The following LYZL1 variants were observed in gnomAD, a reference collection of about 807,000 sequenced individuals.
The protein encoded by LYZL1 is lysozyme like 1, also known as lysozyme-like protein 1.
Under a neutral mutation model 17.9 loss-of-function variants are expected in LYZL1, and 16 were observed. The ratio of observed to expected loss-of-function variants is 0.90; its 90% CI spans 0.61 to 1.36. The LOEUF is 1.36. LYZL1 is among the 40% of genes most tolerant of loss of function. The pLI, the probability that LYZL1 is intolerant of heterozygous loss-of-function variation, is 0.00. For synonymous variants in LYZL1, 58 were observed against 71.8 expected (o/e 0.81, Z 0.97); for missense variants, 149 against 188.4 (o/e 0.79, Z 1.22).
intron 1 of LYZL1, among the ~76,000 whole-genome samples, chr10:29,291,140 C>T (rs1048359499): frequency 6.6e-6 from 1 of 152,124 alleles, no homozygotes; most frequent in Non-Finnish European, 1.5e-5. Flanking sequence ...CTTAACGACT[C>T]CATAGCCTAC....
rs58001118 is a variant in LYZL1 at position 29,306,549 on chromosome 10, CAAAAAAAAAAAAAA to C, written c.299-3548_299-3535del. 8.2e-5 allele frequency among the ~76,000 whole-genome samples: 4 copies of C among 48,794 alleles called. No individual in the cohort carries two copies. The Admixed American group carries it at 1.1e-3, about 13-fold the overall frequency. The allele number at this position is 48,794 out of a possible 152,430, so 32.0% of individuals were successfully genotyped here. A position where few individuals can be genotyped will look rare whatever the true frequency, so the allele number is the denominator to read the frequency against. ...TGGGCGACAGAGCGAGACTCCGTCT[CAAAAAAAAAAAAAA>C]AAAAAAAAAAAAGAAAAAATAAGGA... On this transcript the variant is annotated intron_variant, in intron 3 of 4. Transcript: ENST00000649382.
downstream of LYZL1, among the ~76,000 whole-genome samples, chr10:29,313,531 C>T (rs1835696600): frequency 6.6e-6 from 1 of 152,202 alleles, no homozygotes. Flanking sequence ...AAGACATTGG[C>T]TGTCCTAACA....
intron 3 of LYZL1, among the ~76,000 whole-genome samples, chr10:29,298,677 G>A (rs921568973): frequency 1.3e-5 from 2 of 152,184 alleles, no homozygotes; most frequent in African/African-American, 4.8e-5. Context: ...CTCGATGAGG[G>A]AGAAAGGCAA....
chr10:29,310,196 T>A lies in LYZL1; in HGVS notation c.377+8T>A. The stretch of plus-strand genomic sequence containing the variant: ...ACAAGGAATGAACTATTGGTAAGAG[T>A]GTTTTCTTGGGAGACTTGTGCTGTC... On this transcript the variant is annotated splice_region_variant and intron_variant, in intron 4 of 4. Transcript: ENST00000649382. 1 of 1,594,900 alleles carries A rather than the reference T, an allele frequency of 6.3e-7. No individual in the cohort carries two copies. The highest frequency in any genetic ancestry group is 1.3e-5 in the African/African-American group (1 of 74,566).
intron 3 of LYZL1, among the ~76,000 whole-genome samples, chr10:29,306,471 A>T (rs1294589530): frequency 1.5e-5 from 2 of 134,046 alleles, no homozygotes; most frequent in Non-Finnish European, 3.2e-5. Context: ...AATGGCGTGA[A>T]CCCGGGAGGC....
At chr10:29,308,041 A>C (rs1835619419) in intron 3 of LYZL1, among the ~76,000 whole-genome samples, 1 of 152,194 alleles carries the variant, frequency 6.6e-6, no homozygotes, top group Non-Finnish European at 1.5e-5. Context: ...AAAACAAAAC[A>C]AAACCTTTGA....
chr10:29,307,146 G>C (rs1463296135), intron 3 of LYZL1, among the ~76,000 whole-genome samples: 1 of 152,100 alleles, frequency 6.6e-6, no homozygotes, highest in East Asian at 1.9e-4. Flanking sequence ...GAGCTACTGT[G>C]CCCGGCTACT....
chr10:29,292,574 G>A lies in LYZL1; in HGVS notation c.195G>A (p.Leu65=), dbSNP rs781714375. Residue 65 remains leucine (L), a synonymous_variant, in exon 3 of 5, where the codon CTG becomes CTA. Transcript: ENST00000649382. ...SGYNTTAQTV[L]DDGSIDYGIF... ...ACAACACCACAGCCCAGACGGTCCT[G>A]GATGACGGCAGCATCGACTATGGCA... 5.0e-6 allele frequency: 8 copies of A among 1,614,250 alleles called. No homozygotes were observed. The highest frequency in any genetic ancestry group is 6.8e-6 in the Non-Finnish European group (8 of 1,180,046).
rs1588654288 is a variant in LYZL1 at position 29,289,236 on chromosome 10, A to G, written c.-26+6A>G. On this transcript the variant is annotated splice_donor_region_variant and intron_variant, in intron 1 of 4. Coordinates refer to ENST00000649382, the MANE Select transcript of LYZL1 (RefSeq NM_032517.6). ...ACCAGGAATCTGCCTTTTCAGTAAG[A>G]CCTAAATTACTCTTATGAGAACCAG... is the stretch of plus-strand genomic sequence containing the variant. The G allele has an allele frequency of 4.1e-6, 5 of 1,234,002 alleles. No individual in the cohort carries two copies. Among genetic ancestry groups the G allele is most frequent in the Non-Finnish European group, 4.1e-6 (4 of 966,078 alleles). 76.4% of individuals were successfully genotyped at this position (1,234,002 alleles called of 1,614,324 possible).
chr10:29,302,530 T>C (rs1835534576), intron 3 of LYZL1, among the ~76,000 whole-genome samples: 1 of 152,218 alleles, frequency 6.6e-6, no homozygotes, highest in African/African-American at 2.4e-5. Context: ...GCGCAGTAGC[T>C]GTACATGGAT....
At chr10:29,291,624 C>A (rs951627776) in intron 1 of LYZL1, among the ~76,000 whole-genome samples, 1 of 152,056 alleles carries the variant, frequency 6.6e-6, no homozygotes, top group East Asian at 1.9e-4. Context: ...CCTGAGAACA[C>A]AGCATTGACT....
downstream of LYZL1, among the ~76,000 whole-genome samples, chr10:29,315,882 T>C (rs1255660180): frequency 6.6e-6 from 1 of 151,376 alleles, no homozygotes; most frequent in East Asian, 1.9e-4. Context: ...CATGAAAATG[T>C]CTTCCAACAT....
chr10:29,302,849 T>C (rs1835539710), intron 3 of LYZL1, among the ~76,000 whole-genome samples: 1 of 152,158 alleles, frequency 6.6e-6, no homozygotes, highest in Non-Finnish European at 1.5e-5. Flanking sequence ...TGTCTTCCTT[T>C]AAAGAGTGTT....
intron 3 of LYZL1, among the ~76,000 whole-genome samples, chr10:29,295,758 G>A (rs1835438747): frequency 6.6e-6 from 1 of 152,184 alleles, no homozygotes; most frequent in African/African-American, 2.4e-5. Flanking sequence ...GAAGAAGAAA[G>A]AGAGATTCAA....
downstream of LYZL1, among the ~76,000 whole-genome samples, chr10:29,315,450 GC>G (rs758249742): frequency 1.3e-5 from 2 of 152,090 alleles, no homozygotes; most frequent in Admixed American, 6.5e-5. Context: ...GGCGGAGGTT[GC>G]AGGGAGCCGA....
chr10:29,311,321 T>C (rs944328625), downstream of LYZL1: 12 of 1,143,058 alleles, frequency 1.0e-5, no homozygotes, highest in Admixed American at 3.6e-5. Flanking sequence ...AAAACAAAGC[T>C]CCCTTCTTCA....
chr10:29,300,241 T>TTA (rs1554783248), intron 3 of LYZL1, among the ~76,000 whole-genome samples: 3 of 150,914 alleles, frequency 2.0e-5, no homozygotes, highest in Admixed American at 6.6e-5. Context: ...TCTTTGGAAT[T>TTA]AAAAAAAAAA....
At chr10:29,316,900 T>G (rs1221917652) in intron 3 of LYZL1, among the ~76,000 whole-genome samples, 3 of 152,064 alleles carry the variant, frequency 2.0e-5, no homozygotes, top group African/African-American at 7.2e-5. Flanking sequence ...AATTTTTTTG[T>G]AAATACAAGG....
At chr10:29,306,549 C>CAAAAAAAAAAAAA (rs58001118) in intron 3 of LYZL1, among the ~76,000 whole-genome samples, 9 of 48,804 alleles carry the variant, frequency 1.8e-4, no homozygotes, top group East Asian at 4.9e-4. Context: ...GACTCCGTCT[C>CAAAAAAAAAAAAA]AAAAAAAAAA....
Sources: allele counts gnomAD v4.1 joint callset (sites outside exome capture counted in the v4.1 genomes callset), GRCh38; gene constraint gnomAD v4.1.1; transcripts MANE v1.5; gene names NCBI Gene and HGNC (gene_info 2026-07-23, HGNC 2026-07-21).